The following BTBD7 variants were observed in gnomAD, a reference collection of about 807,000 sequenced individuals.
The protein encoded by BTBD7 is BTB domain containing 7.
In BTBD7, 38 loss-of-function variants were observed where a neutral mutation model predicts 99.9. The observed-to-expected ratio is 0.38, with a 90% CI of 0.29 to 0.50. BTBD7 has a LOEUF of 0.50. Ranked by LOEUF, BTBD7 falls within the 20% of genes least tolerant of loss-of-function variation. The pLI is 0.93. For missense variants in BTBD7, 1,170 were observed against 1,394.6 expected (o/e 0.84, Z 2.57); for synonymous variants, 520 against 511.4 (o/e 1.02, Z -0.23).
rs2052181527 is a variant in BTBD7, at chr14:93,238,149, G to A, written c.*4124C>T. On this transcript the variant is annotated 3_prime_UTR_variant, in exon 11 of 11. Transcript: ENST00000334746. The stretch of plus-strand genomic sequence containing the variant: ...AACTCACATAAACACACAAATACAA[G>A]AGGTTATTTTCAAGACACACACTTG... 6.6e-6 allele frequency: 1 copy of A among 152,514 alleles called. No individual in the cohort carries two copies. The highest frequency in any genetic ancestry group is 6.5e-5 in the Admixed American group (1 of 15,276). The allele number at this position is 152,514 out of a possible 1,614,324, so 9.4% of individuals were successfully genotyped here.
rs907713063 is a variant in BTBD7 at position 93,240,762 on chromosome 14, T to G, written c.*1511A>C. The G allele has an allele frequency of 1.3e-5, 2 of 152,656 alleles. No individual in the cohort carries two copies. The highest frequency in any genetic ancestry group is 4.8e-5 in the African/African-American group (2 of 41,468). 9.5% of individuals were successfully genotyped at this position (152,656 alleles called of 1,614,324 possible). On this transcript the variant is annotated 3_prime_UTR_variant, in exon 11 of 11. Coordinates refer to ENST00000334746, the MANE Select transcript of BTBD7 (RefSeq NM_001002860.4). The stretch of plus-strand genomic sequence containing the variant: ...AAAAAAACAGTCCTTAGCTCACACA[T>G]TGCCCTTCCAAGGGAGAGGATCCTG...
At chr14:93,321,736 T>C (rs562358989) in intron 1 of BTBD7, among the ~76,000 whole-genome samples, 296 of 152,338 alleles carry the variant, frequency 1.9e-3, no homozygotes, top group Non-Finnish European at 3.6e-3. Flanking sequence ...GACTCTGCCA[T>C]TTCTAAACTG....
chr14:93,313,710 ACACACAAT>A lies in BTBD7; in HGVS notation c.-106-17561_-106-17554del, dbSNP rs2053166536. Among the ~76,000 whole-genome samples, 6 of 143,552 alleles carry A rather than the reference ACACACAAT, an allele frequency of 4.2e-5. No individual in the cohort carries two copies. The South Asian group carries it at 1.4e-3, about 33-fold the overall frequency. The allele number at this position is 143,552 out of a possible 152,430, so 94.2% of individuals were successfully genotyped here. On this transcript the variant is annotated intron_variant, in intron 1 of 10. Transcript: ENST00000334746. ...CACACACACACACACACACACACAC[ACACACAAT>A]CACACATATATACACACACATTTAT...
At position 93,251,515 on chromosome 14, in the gene BTBD7, C is replaced by G. The variant is rs759644621; in HGVS notation, c.1890G>C (p.Gln630His). The G allele has an allele frequency of 6.2e-7, 1 of 1,613,008 alleles. No individual in the cohort carries two copies. The highest frequency in any genetic ancestry group is 2.2e-5 in the East Asian group (1 of 44,886). The change falls in exon 8 of 11, where the codon CAG (glutamine) becomes CAC (histidine). Residue 630 changes from glutamine (Q) to histidine (H), a missense_variant. Coordinates refer to ENST00000334746, the MANE Select transcript of BTBD7 (RefSeq NM_001002860.4). The part of the protein sequence containing the change: ...PQCCHMISHQ[Q>H]ISSNQSSPPS... ...GAGGGCTTGACTGGTTGCTGCTGAT[C>G]TGCTGGTGGCTGATCATGTGACAAC...
rs182658905 is a variant in BTBD7, at chr14:93,247,189, G to A, written c.2122-903C>T. ...CTACTGGCGCATACCACTATGCCTG[G>A]GTAATTTATTATATTTTTTGTAGAG... On this transcript the variant is annotated intron_variant, in intron 9 of 10. Coordinates refer to ENST00000334746, the MANE Select transcript of BTBD7 (RefSeq NM_001002860.4). Among the ~76,000 whole-genome samples, 10 of 151,916 alleles carry A rather than the reference G, an allele frequency of 6.6e-5. No individual in the cohort carries two copies. In the East Asian group the frequency reaches 1.9e-3, roughly 29 times the overall value.
intron 7 of BTBD7, among the ~76,000 whole-genome samples, chr14:93,252,229 G>C (rs2052376741): frequency 6.6e-6 from 1 of 151,828 alleles, no homozygotes; most frequent in South Asian, 2.1e-4. Flanking sequence ...AGAACTGCTT[G>C]AACTCGGGAG....
chr14:93,262,800 ACTTT>A (rs945101486), intron 4 of BTBD7, among the ~76,000 whole-genome samples: 6 of 149,578 alleles, frequency 4.0e-5, no homozygotes, highest in Non-Finnish European at 5.9e-5. Context: ...TTTTTTTAAT[ACTTT>A]CTAAGAAGGA....
intron 1 of BTBD7, among the ~76,000 whole-genome samples, chr14:93,317,956 T>C (rs12881444): frequency 0.17 from 25,668 of 152,228 alleles, 2,365 homozygotes; most frequent in East Asian, 0.31. Context: ...AACAAGTCAA[T>C]GCATCCTACG....
intron 1 of BTBD7, among the ~76,000 whole-genome samples, chr14:93,322,205 T>A (rs2053278188): frequency 6.6e-6 from 1 of 152,162 alleles, no homozygotes; most frequent in Non-Finnish European, 1.5e-5. Flanking sequence ...CTCAAATTTC[T>A]GGGCTCAAGC....
intron 5 of BTBD7, among the ~76,000 whole-genome samples, chr14:93,261,153 T>C (rs1431348214): frequency 2.0e-5 from 3 of 152,208 alleles, no homozygotes; most frequent in Non-Finnish European, 4.4e-5. Context: ...ATTTTTAAAC[T>C]GAGGTTAAAA....
intron 2 of BTBD7, 26 bp from the exon 3 acceptor site, chr14:93,294,963 A>T: frequency 6.6e-7 from 1 of 1,507,812 alleles, no homozygotes; most frequent in Non-Finnish European, 8.8e-7. Flanking sequence ...AACAAATGAA[A>T]ATTTATTTTT....
At chr14:93,327,076 G>C (rs2053342181) in intron 1 of BTBD7, among the ~76,000 whole-genome samples, 1 of 152,176 alleles carries the variant, frequency 6.6e-6, no homozygotes, top group African/African-American at 2.4e-5. Context: ...CAGGAGGCTT[G>C]CTGGAGCCCA....
intron 3 of BTBD7, among the ~76,000 whole-genome samples, chr14:93,266,998 A>T (rs1183209110): frequency 6.6e-6 from 1 of 152,216 alleles, no homozygotes; most frequent in African/African-American, 2.4e-5. Context: ...TAGCCAGTGG[A>T]GGACCTCTGT....
Position 93,245,944 on chromosome 14 carries a change from C to A in BTBD7, c.2464G>T (p.Ala822Ser), listed in dbSNP as rs61991737. 2,249 of 1,614,146 alleles carry A rather than the reference C, an allele frequency of 1.4e-3. 1 individual carries two copies. Among genetic ancestry groups the A allele is most frequent in the South Asian group, 4.6e-3 (419 of 91,082 alleles). Residue 822 changes from alanine to serine, a missense_variant, in exon 10 of 11, where the codon GCT (alanine) becomes TCT (serine). Physicochemically the swap from Ala to Ser is moderately conservative, Grantham distance 99. Around this residue, in one of 4 missense-constraint regions of BTBD7, gnomAD observed 495 missense variants for 525.9 expected, o/e 0.94. Coordinates refer to ENST00000334746, the MANE Select transcript of BTBD7 (RefSeq NM_001002860.4). Reference protein sequence around the residue: ...PPPVYLPSVKAAPPDCTSTAG... With the variant: ...PPPVYLPSVKSAPPDCTSTAG... ...GTGCTGGTACAATCAGGCGGTGCAG[C>A]TTTCACACTCGGCAAGTAGACTGGG...
intron 1 of BTBD7, among the ~76,000 whole-genome samples, chr14:93,300,702 ATT>A (rs1566856875): frequency 2.2e-4 from 24 of 107,558 alleles, no homozygotes; most frequent in South Asian, 2.0e-3. Flanking sequence ...TGCCCAGCTA[ATT>A]TGTGTGTGTG....
chr14:93,260,772 C>T (rs961150314), intron 5 of BTBD7, among the ~76,000 whole-genome samples: 2 of 152,230 alleles, frequency 1.3e-5, no homozygotes, highest in African/African-American at 2.4e-5. Context: ...AGGCTGGTCT[C>T]GAACTTCCAA....
At chr14:93,324,926 T>C (rs144069228) in intron 1 of BTBD7, among the ~76,000 whole-genome samples, 1 of 152,082 alleles carries the variant, frequency 6.6e-6, no homozygotes, top group African/African-American at 2.4e-5. Flanking sequence ...AGGCAAAGAA[T>C]AAGAACTCCA....
chr14:93,253,573 AAT>A, intron 7 of BTBD7, 72 bp downstream of exon 7: 1 of 1,324,926 alleles, frequency 7.5e-7, no homozygotes, highest in Non-Finnish European at 1.0e-6. Context: ...ATATTTAAGT[AAT>A]ACTACAGTGA....
In BTBD7 at chr14:93,331,879, T is replaced by TCCCCCCCC. The variant is rs71129629; in HGVS notation, c.-107+933_-107+940dup. On this transcript the variant is annotated intron_variant, in intron 1 of 10. Coordinates refer to ENST00000334746, the MANE Select transcript of BTBD7 (RefSeq NM_001002860.4). ...CTGGGTGACAGAGCGAGACTCCGTC[T>TCCCCCCCC]CCCCCCCCCCAAAAAGGTTGTTAGT... Among the ~76,000 whole-genome samples, 50 of 133,092 alleles carry TCCCCCCCC rather than the reference T, an allele frequency of 3.8e-4. 3 individuals carry two copies. Among genetic ancestry groups the TCCCCCCCC allele is most frequent in the South Asian group, 4.7e-4 (2 of 4,292 alleles). The allele number at this position is 133,092 out of a possible 152,430, so 87.3% of individuals were successfully genotyped here. A position where few individuals can be genotyped will look rare whatever the true frequency, so the allele number is the denominator to read the frequency against.
Sources: allele counts gnomAD v4.1 joint callset (sites outside exome capture counted in the v4.1 genomes callset), GRCh38; gene constraint gnomAD v4.1.1; regional missense constraint gnomAD v4.1.1; transcripts MANE v1.5; gene names NCBI Gene and HGNC (gene_info 2026-07-23, HGNC 2026-07-21).